The following PDLIM5 variants were observed in gnomAD, a reference collection of about 807,000 sequenced individuals.
The protein encoded by PDLIM5 is PDZ and LIM domain protein 5.
A neutral mutation model predicts 64.2 loss-of-function variants in PDLIM5; 34 were observed. The ratio of observed to expected loss-of-function variants is 0.53; its 90% CI spans 0.40 to 0.71. The LOEUF is 0.71. PDLIM5 is among the 30% of genes least tolerant of loss of function. The pLI, the probability that PDLIM5 is intolerant of heterozygous loss-of-function variation, is 0.00. For missense variants in PDLIM5, 683 were observed against 733.6 expected, an observed-to-expected ratio of 0.93 and a Z score of 0.80; for synonymous variants, 253 against 269.1, an observed-to-expected ratio of 0.94 and a Z score of 0.59.
intron 9 of PDLIM5, among the ~76,000 whole-genome samples, chr4:94,651,652 C>A (rs1218438427): frequency 6.6e-6 from 1 of 152,160 alleles, no homozygotes; most frequent in Non-Finnish European, 1.5e-5. Context: ...TTTAGGCCTT[C>A]TAGTAGTCTA....
At chr4:94,557,355 G>A (rs1486929968) in intron 3 of PDLIM5, among the ~76,000 whole-genome samples, 1 of 152,126 alleles carries the variant, frequency 6.6e-6, no homozygotes, top group Non-Finnish European at 1.5e-5. Flanking sequence ...CTCCAGCTTT[G>A]TTCTTTTTGC....
At chr4:94,633,584 C>A (rs1270900071) in intron 8 of PDLIM5, among the ~76,000 whole-genome samples, 1 of 152,120 alleles carries the variant, frequency 6.6e-6, no homozygotes, top group Admixed American at 6.5e-5. Context: ...ACGTCTGGTT[C>A]CCTTTAGTAG....
chr4:94,531,834 T>C (rs1345977601), intron 3 of PDLIM5, among the ~76,000 whole-genome samples: 1 of 152,138 alleles, frequency 6.6e-6, no homozygotes. Context: ...AAAAGTACTT[T>C]TCATTTTTTA....
At chr4:94,651,530 A>G (rs1741842545) in intron 9 of PDLIM5, among the ~76,000 whole-genome samples, 1 of 152,184 alleles carries the variant, frequency 6.6e-6, no homozygotes. Context: ...ACAAAAGGGG[A>G]AAAAGAATGA....
Position 94,651,469 on chromosome 4 carries a change from T to G in PDLIM5, c.1284-2991T>G, listed in dbSNP as rs566200379. Among the ~76,000 whole-genome samples, 6 of 152,338 alleles carry G rather than the reference T, an allele frequency of 3.9e-5. No homozygotes were observed. In the South Asian group the frequency reaches 1.2e-3, roughly 32 times the overall value. On this transcript the variant is annotated intron_variant, in intron 9 of 12. Coordinates refer to ENST00000317968, the MANE Select transcript of PDLIM5 (RefSeq NM_006457.5). ...TATAGTGAACTATATTCCAGCAAGT[T>G]TGTAAAAAGACTTTTACAGGTATGT...
chr4:94,617,150 T>C (rs1738844739), intron 7 of PDLIM5, among the ~76,000 whole-genome samples: 1 of 152,262 alleles, frequency 6.6e-6, no homozygotes, highest in African/African-American at 2.4e-5. Flanking sequence ...GCTATAGTAT[T>C]ATATCATACC....
intron 9 of PDLIM5, among the ~76,000 whole-genome samples, chr4:94,649,547 C>A (rs1343983962): frequency 1.3e-5 from 2 of 152,252 alleles, no homozygotes; most frequent in East Asian, 3.9e-4. Context: ...TTACTGTCAT[C>A]TCCCTGCCCT....
intron 1 of PDLIM5, 40 bp from the exon 2 acceptor site, chr4:94,455,207 A>G (rs1250315127): frequency 1.3e-6 from 1 of 794,302 alleles, no homozygotes; most frequent in Non-Finnish European, 2.2e-6. Context: ...CTAGGGTTTC[A>G]AGTAAACATT....
chr4:94,487,385 G>C (rs1354083597), intron 2 of PDLIM5, among the ~76,000 whole-genome samples: 1 of 152,184 alleles, frequency 6.6e-6, no homozygotes, highest in Non-Finnish European at 1.5e-5. Context: ...TAATTTGAGT[G>C]TAAGATATCA....
chr4:94,467,630 A>G (rs116838262), intron 2 of PDLIM5, among the ~76,000 whole-genome samples: 1 of 152,224 alleles, frequency 6.6e-6, no homozygotes, highest in African/African-American at 2.4e-5. Context: ...CATTTTAATG[A>G]AACATTTTGG....
At chr4:94,602,586 G>A (rs1737591263) in intron 7 of PDLIM5, among the ~76,000 whole-genome samples, 2 of 152,130 alleles carry the variant, frequency 1.3e-5, no homozygotes, top group Non-Finnish European at 2.9e-5. Flanking sequence ...CCGAGTAGCT[G>A]GGATTACAGG....
Position 94,510,389 on chromosome 4 carries a change from A to G in PDLIM5, c.97-13335A>G, listed in dbSNP as rs371158629. On this transcript the variant is annotated intron_variant, in intron 2 of 12. Coordinates refer to ENST00000317968, the MANE Select transcript of PDLIM5 (RefSeq NM_006457.5). ...TTTTCCAAATAAATTCTTTGATGACATCCTAGATTTTTTTTGTCTGTCTTC... is the reference window on the plus strand; with the variant it reads ...TTTTCCAAATAAATTCTTTGATGACGTCCTAGATTTTTTTTGTCTGTCTTC... Among the ~76,000 whole-genome samples, 7 of 152,262 alleles carry G rather than the reference A, an allele frequency of 4.6e-5. No homozygotes were observed. The South Asian group carries it at 8.3e-4, about 18-fold the overall frequency.
chr4:94,512,896 A>G (rs1082514), intron 2 of PDLIM5, among the ~76,000 whole-genome samples: 150,735 of 152,284 alleles, frequency 0.99, 74,613 homozygotes, highest in Non-Finnish European at 1. Flanking sequence ...AATCCATTTT[A>G]GTTTGATTTT....
intron 11 of PDLIM5, among the ~76,000 whole-genome samples, chr4:94,661,588 C>G (rs2110507258): frequency 6.6e-6 from 1 of 152,212 alleles, no homozygotes; most frequent in Admixed American, 6.5e-5. Flanking sequence ...TAAATTGTGG[C>G]TAATATCGTT....
intron 8 of PDLIM5, among the ~76,000 whole-genome samples, chr4:94,637,462 G>A (rs1372737460): frequency 2.0e-5 from 3 of 152,194 alleles, no homozygotes; most frequent in East Asian, 3.9e-4. Context: ...GGGAGGCTGA[G>A]GCAGGAGAAT....
chr4:94,620,729 A>G (rs1739154522), intron 8 of PDLIM5, among the ~76,000 whole-genome samples: 3 of 152,070 alleles, frequency 2.0e-5, no homozygotes, highest in Admixed American at 2.0e-4. Flanking sequence ...TCTATTTTAT[A>G]GTGGCATGTG....
chr4:94,608,637 C>G (rs1738119561), intron 7 of PDLIM5, among the ~76,000 whole-genome samples: 1 of 152,132 alleles, frequency 6.6e-6, no homozygotes, highest in African/African-American at 2.4e-5. Context: ...GAAAGAAATT[C>G]ATTACCGTTT....
At chr4:94,464,930 C>A (rs1469921859) in intron 2 of PDLIM5, among the ~76,000 whole-genome samples, 1 of 152,144 alleles carries the variant, frequency 6.6e-6, no homozygotes, top group Non-Finnish European at 1.5e-5. Flanking sequence ...CTTGACTAGG[C>A]AATAATTTTA....
At chr4:94,525,625 CTGAG>C (rs1200379157) in intron 3 of PDLIM5, among the ~76,000 whole-genome samples, 1 of 152,074 alleles carries the variant, frequency 6.6e-6, no homozygotes, top group Non-Finnish European at 1.5e-5. Flanking sequence ...TTATATTTAC[CTGAG>C]TATCAATTTG....
Sources: allele counts gnomAD v4.1 joint callset (sites outside exome capture counted in the v4.1 genomes callset), GRCh38; gene constraint gnomAD v4.1.1; transcripts MANE v1.5; gene names NCBI Gene and HGNC (gene_info 2026-07-23, HGNC 2026-07-21).